TFAP2C: variants seen among roughly 807,000 people sequenced by gnomAD.
The protein encoded by TFAP2C is transcription factor AP-2 gamma, also known as activating enhancer-binding protein 2 gamma.
A neutral mutation model predicts 42.9 loss-of-function variants in TFAP2C; 9 were observed. The ratio of observed to expected loss-of-function variants is 0.21; its 90% CI spans 0.13 to 0.37. The LOEUF (loss-of-function observed/expected upper bound fraction) is 0.37, where lower values mean the gene tolerates loss of function less well. Among genes scored for constraint, TFAP2C ranks in the 10% least tolerant of loss-of-function variants. The pLI, the probability that TFAP2C is intolerant of heterozygous loss-of-function variation, is 1.00. For synonymous variants in TFAP2C, 264 were observed against 256.0 expected (o/e 1.03, Z -0.30); for missense variants, 462 against 591.7 (o/e 0.78, Z 2.27).
chr20:56,636,794 C>G (rs1237822461), intron 6 of TFAP2C, 40 bp downstream of exon 6: 1 of 1,581,018 alleles, frequency 6.3e-7, no homozygotes, highest in South Asian at 1.2e-5. Flanking sequence ...ACTCAATGCT[C>G]TAGACCTTGA....
At chr20:56,637,197 G>A (rs1987599607) in intron 6 of TFAP2C, among the ~76,000 whole-genome samples, 1 of 152,194 alleles carries the variant, frequency 6.6e-6, no homozygotes. Flanking sequence ...TAATGCAGCT[G>A]TGGGTTTTCT....
Position 56,630,812 on chromosome 20 carries a change from G to T in TFAP2C, c.49-393G>T, listed in dbSNP as rs1005286144. On this transcript the variant is annotated intron_variant, in intron 1 of 6. Transcript: ENST00000201031. This position sits in a 1 kb window ranked among gnomAD's most constrained non-coding sequence, Gnocchi z 5.1. ...CGTCATGGGCGGGCTCCACGAGATA[G>T]CTCTGCACCGGGCGTCCGGCTCCTT... 1.6e-5 allele frequency: 16 copies of T among 985,334 alleles called. No individual in the cohort carries two copies. The highest frequency in any genetic ancestry group is 5.2e-4 in the Middle Eastern group (1 of 1,912). 61.0% of individuals were successfully genotyped at this position (985,334 alleles called of 1,614,324 possible). A position where few individuals can be genotyped will look rare whatever the true frequency, so the allele number is the denominator to read the frequency against.
chr20:56,637,284 AAG>A (rs1987601785), intron 6 of TFAP2C, among the ~76,000 whole-genome samples: 1 of 152,190 alleles, frequency 6.6e-6, no homozygotes, highest in African/African-American at 2.4e-5. Context: ...AATGGGGTAA[AAG>A]AGAGCGCAGT....
Position 56,636,013 on chromosome 20 carries a change from G to C in TFAP2C, c.923-597G>C, listed in dbSNP as rs560981604. On this transcript the variant is annotated intron_variant, in intron 5 of 6. Transcript: ENST00000201031. ...TCCCCCCCGAATCTTTTCAATCTGA[G>C]TTTGGATGAATACAGATTCTGAACC... Among the ~76,000 whole-genome samples the C allele has an allele frequency of 2.7e-4, 41 of 152,242 alleles. 1 individual carries two copies. Among genetic ancestry groups the C allele is most frequent in the African/African-American group, 9.9e-4 (41 of 41,546 alleles).
chr20:56,637,552 C>T (rs1987607299), intron 6 of TFAP2C, among the ~76,000 whole-genome samples, 176 bp from the exon 7 acceptor site: 1 of 152,218 alleles, frequency 6.6e-6, no homozygotes, highest in African/African-American at 2.4e-5. Flanking sequence ...TAACTCAGAG[C>T]CTGGCGCAGA....
At chr20:56,635,550 G>A (rs976246873) in intron 5 of TFAP2C, among the ~76,000 whole-genome samples, 2 of 151,772 alleles carry the variant, frequency 1.3e-5, no homozygotes, top group East Asian at 3.9e-4. Flanking sequence ...TCAGTAAAAA[G>A]GCACTATTAA....
rs555992781 is a variant in TFAP2C at position 56,629,306 on chromosome 20, A to T, written c.-239A>T. On this transcript the variant is annotated 5_prime_UTR_variant, in exon 1 of 7. Transcript: ENST00000201031. This position sits in a 1 kb window ranked among gnomAD's most constrained non-coding sequence, Gnocchi z 5.9. The stretch of plus-strand genomic sequence containing the variant: ...GCGCTCGGGTCCCCCGGCTATCGCC[A>T]GGACACACTGTTCGGGCGCGGCTTT... The T allele has an allele frequency of 2.8e-5, 11 of 391,250 alleles. No individual in the cohort carries two copies. Among genetic ancestry groups the T allele is most frequent in the Non-Finnish European group, 5.0e-5 (11 of 221,658 alleles). The allele number at this position is 391,250 out of a possible 1,614,324, so 24.2% of individuals were successfully genotyped here.
chr20:56,633,257 C>G (rs1312054614), intron 3 of TFAP2C, 96 bp from the exon 4 acceptor site: 2 of 919,734 alleles, frequency 2.2e-6, no homozygotes, highest in East Asian at 2.4e-5. Context: ...TGATGCTTGT[C>G]TAAAGATCAC....
At position 56,631,162 on chromosome 20, in the gene TFAP2C, G is replaced by T. The variant is rs1232793520; in HGVS notation, c.49-43G>T. 1.4e-6 allele frequency: 2 copies of T among 1,480,950 alleles called. No individual in the cohort carries two copies. The highest frequency in any genetic ancestry group is 1.5e-5 in the African/African-American group (1 of 68,356). 91.7% of individuals were successfully genotyped at this position (1,480,950 alleles called of 1,614,324 possible). ...ATGCCGGCCAGTTCGCAGTAGCGGG[G>T]TTTCGCACTAACGGGGTCTCCTGTT... On this transcript the variant is annotated intron_variant, in intron 1 of 6. Coordinates refer to ENST00000201031, the MANE Select transcript of TFAP2C (RefSeq NM_003222.4). This position sits in a 1 kb window ranked among gnomAD's most constrained non-coding sequence, Gnocchi z 6.1.
At chr20:56,634,853 TCA>T (rs1987555352) in intron 5 of TFAP2C, among the ~76,000 whole-genome samples, 1 of 152,346 alleles carries the variant, frequency 6.6e-6, no homozygotes, top group Admixed American at 6.5e-5. Flanking sequence ...ACATAGCATT[TCA>T]GTTTCTTGAA....
At position 56,638,637 on chromosome 20, in the gene TFAP2C, C is replaced by G. The variant is rs911447413; in HGVS notation, c.*624C>G. ...TTTTAGGAAACTTGTAGAAACGAAG[C>G]CTGCTGATTGATTTTTTTCTCCTTT... On this transcript the variant is annotated 3_prime_UTR_variant, in exon 7 of 7. Transcript: ENST00000201031. 2 of 150,462 alleles carry G rather than the reference C, an allele frequency of 1.3e-5. No homozygotes were observed. The highest frequency in any genetic ancestry group is 4.9e-5 in the African/African-American group (2 of 40,728). 9.3% of individuals were successfully genotyped at this position (150,462 alleles called of 1,614,324 possible).
In TFAP2C at chr20:56,634,171, C is replaced by T. The variant is rs1329586458; in HGVS notation, c.825C>T (p.Gly275=). ...VLRRAKSKNG[G]RSLREKLDKI... is the part of the protein sequence containing the mutation. ...TTAGAGCCAAATCGAAAAATGGAGG[C>T]CGGTCCTTGCGGGAGAAGTTGGACA... The change falls in exon 5 of 7, where the codon GGC becomes GGT. Residue 275 remains glycine (G), a synonymous_variant. Transcript: ENST00000201031. The T allele has an allele frequency of 6.2e-7, 1 of 1,613,620 alleles. No individual in the cohort carries two copies.
chr20:56,631,315 A>G lies in TFAP2C; in HGVS notation c.159A>G (p.Glu53=). The G allele has an allele frequency of 3.1e-6, 5 of 1,608,368 alleles. No individual in the cohort carries two copies. The highest frequency in any genetic ancestry group is 1.3e-5 in the African/African-American group (1 of 74,484). ...APPLSHTGVA[E]YQPPPYFPPP... The stretch of plus-strand genomic sequence containing the variant: ...CCCTCTCCCACACTGGAGTCGCCGA[A>G]TATCAGCCGCCACCCTACTTTCCCC... Residue 53 remains glutamate (E), a synonymous_variant, in exon 2 of 7, where the codon GAA becomes GAG. Transcript: ENST00000201031. The surrounding 1 kb of genome is among the most constrained non-coding windows in gnomAD (Gnocchi z 6.1).
chr20:56,637,638 C>G, intron 6 of TFAP2C, 90 bp from the exon 7 acceptor site: 1 of 1,331,594 alleles, frequency 7.5e-7, no homozygotes, highest in Non-Finnish European at 1.0e-6. Flanking sequence ...TGCTTGCCTC[C>G]CGGGCGCCAG....
Position 56,631,166 on chromosome 20 carries a change from C to T in TFAP2C, c.49-39C>T, listed in dbSNP as rs780575798. On this transcript the variant is annotated intron_variant, in intron 1 of 6. Transcript: ENST00000201031. This position sits in a 1 kb window ranked among gnomAD's most constrained non-coding sequence, Gnocchi z 6.1. ...CGGCCAGTTCGCAGTAGCGGGGTTT[C>T]GCACTAACGGGGTCTCCTGTTTTTT... The T allele has an allele frequency of 7.4e-6, 11 of 1,480,562 alleles. No individual in the cohort carries two copies. The highest frequency in any genetic ancestry group is 8.0e-6 in the Non-Finnish European group (9 of 1,118,636). The allele number at this position is 1,480,562 out of a possible 1,614,324, so 91.7% of individuals were successfully genotyped here.
chr20:56,633,712 TC>T (rs1453257256), intron 4 of TFAP2C, 143 bp downstream of exon 4: 1 of 680,912 alleles, frequency 1.5e-6, no homozygotes. Context: ...ACATTTCTTC[TC>T]CTTTAGAAAG....
At position 56,631,135 on chromosome 20, in the gene TFAP2C, C is replaced by A. The variant is rs1456796836; in HGVS notation, c.49-70C>A. On this transcript the variant is annotated intron_variant, in intron 1 of 6. Transcript: ENST00000201031. The surrounding 1 kb of genome is among the most constrained non-coding windows in gnomAD (Gnocchi z 6.1). ...CCCCGGGGCCCTCTGCGTAGCCCGG[C>A]GATGCCGGCCAGTTCGCAGTAGCGG... is the stretch of plus-strand genomic sequence containing the variant. 8.9e-6 allele frequency: 13 copies of A among 1,465,232 alleles called. No individual in the cohort carries two copies. Among genetic ancestry groups the A allele is most frequent in the Middle Eastern group, 2.5e-4 (1 of 3,948 alleles). The allele number at this position is 1,465,232 out of a possible 1,614,324, so 90.8% of individuals were successfully genotyped here. A position where few individuals can be genotyped will look rare whatever the true frequency, so the allele number is the denominator to read the frequency against.
At chr20:56,637,077 C>A (rs1252742973) in intron 6 of TFAP2C, among the ~76,000 whole-genome samples, 2 of 152,146 alleles carry the variant, frequency 1.3e-5, no homozygotes, top group African/African-American at 4.8e-5. Context: ...TTTGTCACAA[C>A]CAGTAAAGAG....
At chr20:56,635,838 C>A (rs559154773) in intron 5 of TFAP2C, among the ~76,000 whole-genome samples, 2 of 152,258 alleles carry the variant, frequency 1.3e-5, no homozygotes, top group African/African-American at 4.8e-5. Context: ...CTACACACAT[C>A]CTTCCGTATA....
Sources: allele counts gnomAD v4.1 joint callset (sites outside exome capture counted in the v4.1 genomes callset), GRCh38; gene constraint gnomAD v4.1.1; non-coding constraint Gnocchi (gnomAD v3.1); transcripts MANE v1.5; gene names NCBI Gene and HGNC (gene_info 2026-07-23, HGNC 2026-07-21).